Variants in SLC25A21 observed in about 807,000 individuals in gnomAD.
SLC25A21 encodes mitochondrial 2-oxodicarboxylate carrier.
Under a neutral mutation model 43.8 loss-of-function variants are expected in SLC25A21, and 47 were observed. That is an observed-to-expected ratio of 1.07 (90% CI 0.85 to 1.37). The LOEUF (loss-of-function observed/expected upper bound fraction) is 1.37. SLC25A21 is among the 40% of genes most tolerant of loss of function. The pLI, the probability that SLC25A21 is intolerant of heterozygous loss-of-function variation, is 0.00. For missense variants in SLC25A21, 352 were observed against 350.2 expected (o/e 1.00, Z -0.04); for synonymous variants, 131 against 121.3 (o/e 1.08, Z -0.52).
chr14:36,680,785 T>G, intron 9 of SLC25A21, 66 bp from the exon 10 acceptor site: 133 of 1,478,302 alleles, frequency 9.0e-5, no homozygotes, highest in Non-Finnish European at 1.1e-4. Flanking sequence ...TCCCACTGGG[T>G]TTCTGAATCC....
intron 1 of SLC25A21, among the ~76,000 whole-genome samples, chr14:37,023,703 T>C (rs1961034583): frequency 6.6e-6 from 1 of 152,038 alleles, no homozygotes; most frequent in Admixed American, 6.6e-5. Context: ...AAATATTCTT[T>C]GCTCCTACTT....
intron 2 of SLC25A21, chr14:36,828,323 C>T (rs1427506428): frequency 1.3e-5 from 2 of 152,208 alleles, no homozygotes; most frequent in Admixed American, 1.3e-4. Flanking sequence ...TAGCTCTTGT[C>T]AATGGAATAT....
intron 3 of SLC25A21, among the ~76,000 whole-genome samples, chr14:36,800,896 CTG>C (rs940646648): frequency 2.6e-5 from 4 of 152,140 alleles, no homozygotes; most frequent in African/African-American, 7.2e-5. Context: ...GTAGAGGACA[CTG>C]TGCATAAACA....
chr14:37,086,623 G>C (rs1962491740), intron 1 of SLC25A21, among the ~76,000 whole-genome samples: 1 of 152,170 alleles, frequency 6.6e-6, no homozygotes, highest in Non-Finnish European at 1.5e-5. Context: ...CCACTCACTA[G>C]CTGCATGACA....
chr14:36,777,350 C>A lies in SLC25A21; in HGVS notation c.203+36568G>T, dbSNP rs545314463. ...AACAAACAAACAAAAACAACAACAA[C>A]AAAATGACCTCTGTAATGAGTTGGA... On this transcript the variant is annotated intron_variant, in intron 3 of 9. Transcript: ENST00000331299. Among the ~76,000 whole-genome samples the A allele has an allele frequency of 2.0e-5, 3 of 152,244 alleles. No homozygotes were observed. In the South Asian group the frequency reaches 6.2e-4, roughly 32 times the overall value.
intron 2 of SLC25A21, among the ~76,000 whole-genome samples, chr14:36,852,983 C>G (rs1889789645): frequency 6.6e-6 from 1 of 151,072 alleles, no homozygotes. Flanking sequence ...ACTTATGTCC[C>G]TGGTAATAAG....
intron 1 of SLC25A21, among the ~76,000 whole-genome samples, chr14:37,154,700 T>C (rs957132074): frequency 4.6e-5 from 7 of 151,584 alleles, no homozygotes; most frequent in Non-Finnish European, 7.4e-5. Flanking sequence ...TGGAGTGCGA[T>C]AGCATGATCT....
At chr14:37,154,823 G>A (rs1029900748) in intron 1 of SLC25A21, among the ~76,000 whole-genome samples, 6 of 151,700 alleles carry the variant, frequency 4.0e-5, no homozygotes, top group Non-Finnish European at 7.4e-5. Context: ...TGTATTTTTA[G>A]TAGAGACAGG....
intron 3 of SLC25A21, among the ~76,000 whole-genome samples, chr14:36,764,085 AAGGAAGGAAG>A (rs1886283208): frequency 5.4e-5 from 3 of 55,652 alleles, no homozygotes; most frequent in African/African-American, 9.8e-5. Context: ...AGAAAGAAGG[AAGGAAGGAAG>A]GAAGGAAGGA....
chr14:36,898,126 C>T lies in SLC25A21; in HGVS notation c.71-23122G>A, dbSNP rs1891296064. Reference sequence around the variant, plus strand: ...CATTTTGTTTCACTATGCCCTGCCCCTAGAGGTGGAGTCTACAGAGGCAGG... The same window carrying T: ...CATTTTGTTTCACTATGCCCTGCCCTTAGAGGTGGAGTCTACAGAGGCAGG... On this transcript the variant is annotated intron_variant, in intron 1 of 9. Transcript: ENST00000331299. Among the ~76,000 whole-genome samples, 3 of 152,240 alleles carry T rather than the reference C, an allele frequency of 2.0e-5. No homozygotes were observed. The South Asian group carries it at 6.2e-4, about 32-fold the overall frequency.
intron 1 of SLC25A21, among the ~76,000 whole-genome samples, chr14:37,090,471 T>C (rs1274920448): frequency 6.6e-6 from 1 of 152,158 alleles, no homozygotes; most frequent in African/African-American, 2.4e-5. Context: ...TTGGGGACAA[T>C]AAAGGATATG....
chr14:36,904,932 A>T (rs2138603338), intron 1 of SLC25A21, among the ~76,000 whole-genome samples: 1 of 152,310 alleles, frequency 6.6e-6, no homozygotes, highest in South Asian at 2.1e-4. Context: ...CCAAATTATG[A>T]GGAGGCCACT....
intron 3 of SLC25A21, among the ~76,000 whole-genome samples, chr14:36,803,861 A>G (rs746294628): frequency 9.2e-5 from 14 of 152,184 alleles, no homozygotes; most frequent in Non-Finnish European, 2.1e-4. Context: ...CCTGGTTATT[A>G]CTAAATTCAA....
chr14:36,888,791 T>C (rs1890996731), intron 1 of SLC25A21, among the ~76,000 whole-genome samples: 1 of 152,270 alleles, frequency 6.6e-6, no homozygotes, highest in African/African-American at 2.4e-5. Context: ...GGTAGCCAGG[T>C]CTTTTCTTCC....
intron 1 of SLC25A21, among the ~76,000 whole-genome samples, chr14:37,035,980 A>C (rs182208571): frequency 1.3e-5 from 2 of 152,346 alleles, no homozygotes; most frequent in Admixed American, 1.3e-4. Context: ...ATGTACGGGA[A>C]GTTTAAAAAT....
intron 7 of SLC25A21, among the ~76,000 whole-genome samples, chr14:36,710,296 T>G (rs904614231): frequency 3.3e-5 from 5 of 151,188 alleles, no homozygotes; most frequent in Non-Finnish European, 7.4e-5. Flanking sequence ...TTGCTTGAAC[T>G]CCGGAGGCGG....
At chr14:36,804,770 G>GT (rs928644425) in intron 3 of SLC25A21, among the ~76,000 whole-genome samples, 7 of 152,074 alleles carry the variant, frequency 4.6e-5, no homozygotes, top group African/African-American at 1.4e-4. Flanking sequence ...TCATGCCTAA[G>GT]TTTTTTTCTA....
At chr14:36,820,634 T>C (rs1330579409) in intron 2 of SLC25A21, among the ~76,000 whole-genome samples, 1 of 152,196 alleles carries the variant, frequency 6.6e-6, no homozygotes, top group Admixed American at 6.5e-5. Context: ...TGGGACAATT[T>C]GATTTGAGGG....
intron 3 of SLC25A21, among the ~76,000 whole-genome samples, chr14:36,749,842 G>C (rs549034643): frequency 4.6e-5 from 7 of 152,226 alleles, no homozygotes; most frequent in African/African-American, 1.7e-4. Flanking sequence ...TAATGTTGCA[G>C]CACCCCCATC....
Sources: gnomAD v4.1 joint callset for allele counts (sites outside exome capture counted in the v4.1 genomes callset) on GRCh38, gnomAD v4.1.1 for gene constraint, MANE v1.5 for transcripts, NCBI Gene and HGNC (gene_info 2026-07-23, HGNC 2026-07-21) for gene names.